Variants in CD33 observed in about 807,000 individuals in gnomAD.
CD33 encodes CD33 molecule.
CD33 carries 25 observed loss-of-function variants against 31.4 expected under a neutral mutation model. That is an observed-to-expected ratio of 0.80 (90% CI 0.58 to 1.11). The LOEUF is 1.11. CD33 is among the 50% of genes most tolerant of loss of function. CD33 has a pLI of 0.00. For missense variants in CD33, 407 were observed against 448.1 expected, an observed-to-expected ratio of 0.91 and a Z score of 0.83; for synonymous variants, 176 against 180.6, an observed-to-expected ratio of 0.97 and a Z score of 0.20.
At chr19:51,227,962 A>G (rs1211922783) in intron 4 of CD33, among the ~76,000 whole-genome samples, 1 of 152,288 alleles carries the variant, frequency 6.6e-6, no homozygotes, top group Non-Finnish European at 1.5e-5. Flanking sequence ...AGCATCATTT[A>G]TTAAAGAAAC....
At chr19:51,228,511 C>G (rs966970141) in intron 4 of CD33, among the ~76,000 whole-genome samples, 15 of 152,272 alleles carry the variant, frequency 9.9e-5, no homozygotes, top group African/African-American at 3.6e-4. Flanking sequence ...ACTTCATTCT[C>G]TTATAGCTAT....
chr19:51,211,088 C>G, the CD33 span: 2 of 1,508,544 alleles, frequency 1.3e-6, no homozygotes, highest in Admixed American at 3.3e-5. Flanking sequence ...ACAGGAAGCC[C>G]GGGAAGCCTC....
At chr19:51,234,868 G>C (rs1473078749) in intron 4 of CD33, among the ~76,000 whole-genome samples, 3 of 152,120 alleles carry the variant, frequency 2.0e-5, no homozygotes, top group African/African-American at 7.2e-5. Context: ...GTCCTTCAGG[G>C]GCTATGTCTG....
At chr19:51,213,659 C>T in the CD33 span, among the ~76,000 whole-genome samples, 3 of 148,900 alleles carry the variant, frequency 2.0e-5, no homozygotes, top group Non-Finnish European at 2.9e-5. Context: ...GCCTCAGCCT[C>T]GCAAGTAGCT....
chr19:51,235,823 G>A, intron 6 of CD33, 147 bp downstream of exon 6: 4 of 765,190 alleles, frequency 5.2e-6, no homozygotes, highest in Non-Finnish European at 9.3e-6. Flanking sequence ...TATTTTTCAG[G>A]TACGTTGAGG....
intron 4 of CD33, 57 bp from the exon 5 acceptor site, chr19:51,235,100 G>T: frequency 7.1e-7 from 1 of 1,411,978 alleles, no homozygotes; most frequent in East Asian, 2.3e-5. Flanking sequence ...TGGAGAGGAG[G>T]ATACACATAC....
intron 4 of CD33, among the ~76,000 whole-genome samples, chr19:51,228,273 G>A (rs1981172661): frequency 6.6e-6 from 1 of 152,150 alleles, no homozygotes; most frequent in African/African-American, 2.4e-5. Context: ...TGAATTTTAA[G>A]ATTGTTTCCT....
intron 4 of CD33, among the ~76,000 whole-genome samples, chr19:51,231,687 G>T (rs982608520): frequency 6.7e-6 from 1 of 149,350 alleles, no homozygotes; most frequent in South Asian, 2.1e-4. Context: ...TTAAGTTCAC[G>T]TGTTTTTGCC....
chr19:51,212,610 C>A, the CD33 span, among the ~76,000 whole-genome samples: 20 of 151,924 alleles, frequency 1.3e-4, no homozygotes, highest in Admixed American at 6.6e-5. Context: ...ACAGACCCAG[C>A]CTTTCAGCTT....
intron 4 of CD33, among the ~76,000 whole-genome samples, chr19:51,229,036 T>C (rs946798556): frequency 1.3e-5 from 2 of 152,240 alleles, no homozygotes; most frequent in African/African-American, 2.4e-5. Context: ...TTGTCATATA[T>C]GGCCTTTTTT....
the CD33 span, among the ~76,000 whole-genome samples, chr19:51,215,573 G>T: frequency 6.6e-6 from 1 of 152,134 alleles, no homozygotes; most frequent in Non-Finnish European, 1.5e-5. Context: ...TGTTGTGGAC[G>T]TCTCACCCTC....
upstream of CD33, among the ~76,000 whole-genome samples, chr19:51,220,116 T>C (rs1980616933): frequency 6.6e-6 from 1 of 152,232 alleles, no homozygotes; most frequent in Non-Finnish European, 1.5e-5. Flanking sequence ...AGAATTTGAC[T>C]GTGAAACCAT....
intron 4 of CD33, among the ~76,000 whole-genome samples, chr19:51,229,053 A>T (rs1981229732): frequency 6.6e-6 from 1 of 152,108 alleles, no homozygotes; most frequent in Admixed American, 6.6e-5. Context: ...TTTTGTGTTG[A>T]GGTACTTTCC....
rs201527883 is a variant in CD33 at position 51,225,256 on chromosome 19, C to G, written c.76C>G (p.Gln26Glu). 8.7e-6 allele frequency: 14 copies of G among 1,613,920 alleles called. No individual in the cohort carries two copies. In the East Asian group the frequency reaches 2.7e-4, roughly 31 times the overall value. The change falls in exon 2 of 7, where the codon CAG becomes GAG. Residue 26 changes from glutamine to glutamate, a missense_variant. Physicochemically the swap from Gln to Glu is conservative, Grantham distance 29. Coordinates refer to ENST00000262262, the MANE Select transcript of CD33 (RefSeq NM_001772.4). Reference protein sequence around the residue: ...AMDPNFWLQVQESVTVQEGLC... With the variant: ...AMDPNFWLQVEESVTVQEGLC... ...GGATCCAAATTTCTGGCTGCAAGTG[C>G]AGGAGTCAGTGACGGTACAGGAGGG...
chr19:51,218,746 A>C, the CD33 span, among the ~76,000 whole-genome samples: 1 of 152,180 alleles, frequency 6.6e-6, no homozygotes, highest in African/African-American at 2.4e-5. Context: ...GCACATGGCT[A>C]TCCAATTCTC....
intron 4 of CD33, among the ~76,000 whole-genome samples, chr19:51,233,576 C>T (rs1296195740): frequency 6.6e-6 from 1 of 152,200 alleles, no homozygotes; most frequent in African/African-American, 2.4e-5. Context: ...GTTGTAGCAG[C>T]TTGCCCGCAG....
chr19:51,226,152 A>G, intron 3 of CD33, 71 bp downstream of exon 3: 1 of 1,571,798 alleles, frequency 6.4e-7, no homozygotes, highest in Non-Finnish European at 8.7e-7. Context: ...TGCTGGGGAC[A>G]TTTAGTGTCC....
upstream of CD33, among the ~76,000 whole-genome samples, chr19:51,222,761 G>A (rs1980745722): frequency 6.6e-6 from 1 of 152,130 alleles, no homozygotes; most frequent in African/African-American, 2.4e-5. Context: ...GAGTATACAG[G>A]CTGTACATAC....
chr19:51,212,113 G>A, the CD33 span: 891 of 602,696 alleles, frequency 1.5e-3, 3 homozygotes, highest in Non-Finnish European at 2.2e-3. Flanking sequence ...AGGGTGTGAT[G>A]GGGGGAGGAC....
Sources: allele counts gnomAD v4.1 joint callset (sites outside exome capture counted in the v4.1 genomes callset), GRCh38; gene constraint gnomAD v4.1.1; transcripts MANE v1.5; gene names NCBI Gene and HGNC (gene_info 2026-07-23, HGNC 2026-07-21).